LAPTM4B: variants seen among roughly 807,000 people sequenced by gnomAD.
LAPTM4B encodes lysosomal protein transmembrane 4 beta, also known as lysosomal-associated transmembrane protein 4B.
LAPTM4B carries 26 observed loss-of-function variants against 28.5 expected under a neutral mutation model. The ratio of observed to expected loss-of-function variants is 0.91; its 90% CI spans 0.67 to 1.27. LAPTM4B has a LOEUF of 1.27. Ranked by LOEUF, LAPTM4B falls within the 50% of genes most tolerant of loss-of-function variation. The pLI, the probability that LAPTM4B is intolerant of heterozygous loss-of-function variation, is 0.00. For synonymous variants in LAPTM4B, 109 were observed against 106.4 expected (o/e 1.02, Z -0.15); for missense variants, 288 against 285.8 (o/e 1.01, Z -0.06).
At chr8:97,839,389 C>T (rs1357851537) in intron 6 of LAPTM4B, among the ~76,000 whole-genome samples, 1 of 152,078 alleles carries the variant, frequency 6.6e-6, no homozygotes, top group Non-Finnish European at 1.5e-5. Context: ...GACGGGGTTT[C>T]ACCATGTTGC....
chr8:97,831,548 A>G (rs1817182789), intron 6 of LAPTM4B, among the ~76,000 whole-genome samples: 2 of 152,168 alleles, frequency 1.3e-5, no homozygotes, highest in South Asian at 4.1e-4. Context: ...GAGGGGTTCT[A>G]AAAGACAGGT....
At chr8:97,803,441 A>C (rs756635429) in intron 1 of LAPTM4B, among the ~76,000 whole-genome samples, 1 of 151,210 alleles carries the variant, frequency 6.6e-6, no homozygotes, top group Non-Finnish European at 1.5e-5. Context: ...ACCATGCCCA[A>C]CTAATTTGCA....
chr8:97,830,613 G>A (rs1017255421), intron 6 of LAPTM4B, among the ~76,000 whole-genome samples: 2 of 152,118 alleles, frequency 1.3e-5, no homozygotes, highest in Non-Finnish European at 1.5e-5. Flanking sequence ...GAGTACTTGC[G>A]ACTTCCAGAA....
intron 1 of LAPTM4B, among the ~76,000 whole-genome samples, chr8:97,801,089 C>G (rs1816669249): frequency 6.6e-6 from 1 of 152,218 alleles, no homozygotes; most frequent in East Asian, 1.9e-4. Context: ...CCCATGAATC[C>G]CAAATTTATG....
At chr8:97,787,006 G>T (rs557034434) in intron 1 of LAPTM4B, among the ~76,000 whole-genome samples, 1 of 152,188 alleles carries the variant, frequency 6.6e-6, no homozygotes, top group South Asian at 2.1e-4. Flanking sequence ...AGGCTGGGGG[G>T]TGGGGGTGTA....
intron 1 of LAPTM4B, among the ~76,000 whole-genome samples, chr8:97,778,208 C>A (rs987076675): frequency 1.3e-5 from 2 of 152,102 alleles, no homozygotes; most frequent in African/African-American, 4.8e-5. Context: ...AAAAATGTTG[C>A]TTTAGGTAAA....
chr8:97,779,614 G>A (rs113207081), intron 1 of LAPTM4B, among the ~76,000 whole-genome samples: 30,755 of 151,436 alleles, frequency 0.2, 3,415 homozygotes, highest in Admixed American at 0.31. Context: ...GCAAGATCCC[G>A]TCTCTAATAA....
chr8:97,801,754 G>A (rs1309633520), intron 1 of LAPTM4B, among the ~76,000 whole-genome samples: 1 of 149,678 alleles, frequency 6.7e-6, no homozygotes, highest in Non-Finnish European at 1.5e-5. Flanking sequence ...TGAGGCGGGA[G>A]AATCACTTGA....
At chr8:97,824,603 T>A (rs769774105) in intron 5 of LAPTM4B, among the ~76,000 whole-genome samples, 26 of 152,296 alleles carry the variant, frequency 1.7e-4, no homozygotes, top group Non-Finnish European at 2.5e-4. Context: ...ATGAAATTTT[T>A]AAAAAAATCG....
intron 1 of LAPTM4B, among the ~76,000 whole-genome samples, chr8:97,786,987 C>T (rs1816413561): frequency 6.6e-6 from 1 of 152,050 alleles, no homozygotes; most frequent in Admixed American, 6.6e-5. Flanking sequence ...TGAGGCCATC[C>T]AGAGACCCAG....
chr8:97,813,371 G>T (rs376115365), intron 2 of LAPTM4B, among the ~76,000 whole-genome samples: 1 of 152,256 alleles, frequency 6.6e-6, no homozygotes, highest in Non-Finnish European at 1.5e-5. Flanking sequence ...GACTCAGCAA[G>T]TCTGCTCTTC....
chr8:97,806,031 G>A (rs1179575279), intron 2 of LAPTM4B, among the ~76,000 whole-genome samples: 1 of 152,102 alleles, frequency 6.6e-6, no homozygotes, highest in African/African-American at 2.4e-5. Context: ...GAGTAGTGCT[G>A]TGCATAATCT....
At chr8:97,843,457 T>C (rs1817382102) in intron 6 of LAPTM4B, among the ~76,000 whole-genome samples, 1 of 152,064 alleles carries the variant, frequency 6.6e-6, no homozygotes, top group African/African-American at 2.4e-5. Flanking sequence ...AAAACTTATA[T>C]TTAACAAACT....
At chr8:97,813,246 G>C (rs1373476152) in intron 2 of LAPTM4B, among the ~76,000 whole-genome samples, 2 of 152,250 alleles carry the variant, frequency 1.3e-5, no homozygotes, top group African/African-American at 4.8e-5. Flanking sequence ...GCCAAAGGCC[G>C]GAGAGCCCCT....
At chr8:97,830,250 G>A (rs1817161286) in intron 6 of LAPTM4B, among the ~76,000 whole-genome samples, 1 of 152,124 alleles carries the variant, frequency 6.6e-6, no homozygotes. Context: ...GAGGGGTAGA[G>A]GGTAGCAGGA....
At chr8:97,778,419 C>G (rs1312027032) in intron 1 of LAPTM4B, among the ~76,000 whole-genome samples, 1 of 151,922 alleles carries the variant, frequency 6.6e-6, no homozygotes, top group Non-Finnish European at 1.5e-5. Flanking sequence ...AAGAGCCAGA[C>G]AAGACTCCAT....
In LAPTM4B at chr8:97,775,970, G is replaced by C. The variant is rs780836991; in HGVS notation, c.-40G>C. 8 of 1,549,184 alleles carry C rather than the reference G, an allele frequency of 5.2e-6. No individual in the cohort carries two copies. In the African/African-American group the frequency reaches 9.9e-5, roughly 19 times the overall value. On this transcript the variant is annotated 5_prime_UTR_variant, in exon 1 of 7. Coordinates refer to ENST00000521545, the MANE Select transcript of LAPTM4B (RefSeq NM_018407.6). The stretch of plus-strand genomic sequence containing the variant: ...TCCAGGCGAGGCGGTCGACGCTCCT[G>C]AAAACTTGCGCGCGCGCTCGCGCCA...
intron 1 of LAPTM4B, among the ~76,000 whole-genome samples, chr8:97,793,406 C>T (rs1328166341): frequency 6.6e-6 from 1 of 151,988 alleles, no homozygotes; most frequent in African/African-American, 2.4e-5. Context: ...TTTGTATAAA[C>T]ACCCTATGAG....
intron 2 of LAPTM4B, among the ~76,000 whole-genome samples, chr8:97,814,340 G>A (rs1270285301): frequency 2.0e-4 from 30 of 152,006 alleles, no homozygotes; most frequent in African/African-American, 2.4e-5. Context: ...TGAAACCCCC[G>A]TCTCTACTAA....
Sources: allele counts gnomAD v4.1 joint callset (sites outside exome capture counted in the v4.1 genomes callset), GRCh38; gene constraint gnomAD v4.1.1; transcripts MANE v1.5; gene names NCBI Gene and HGNC (gene_info 2026-07-23, HGNC 2026-07-21).